RAB30: variants seen among roughly 807,000 people sequenced by gnomAD.
The protein encoded by RAB30 is RAB30, member RAS oncogene family.
In RAB30, 9 loss-of-function variants were observed where a neutral mutation model predicts 25.1. That is an observed-to-expected ratio of 0.36 (90% CI 0.22 to 0.63). The LOEUF is 0.63. Ranked by LOEUF, RAB30 falls within the 20% of genes least tolerant of loss-of-function variation. The probability of loss-of-function intolerance (pLI) is 0.69; values close to 1 mark genes in which losing one functional copy is unlikely to be tolerated. For synonymous variants in RAB30, 77 were observed against 86.4 expected, an observed-to-expected ratio of 0.89 and a Z score of 0.60; for missense variants, 140 against 243.5, an observed-to-expected ratio of 0.58 and a Z score of 2.83.
At chr11:83,019,985 C>T (rs1386361745) in intron 1 of RAB30, among the ~76,000 whole-genome samples, 2 of 152,256 alleles carry the variant, frequency 1.3e-5, no homozygotes, top group African/African-American at 4.8e-5. Context: ...ATGCTGGCTA[C>T]AGCTGGAAGG....
intron 1 of RAB30, chr11:83,071,432 C>G (rs1210784054): frequency 2.0e-5 from 3 of 152,286 alleles, no homozygotes; most frequent in Non-Finnish European, 4.4e-5. Flanking sequence ...GCCCAGCCCC[C>G]TCTCTCCGCC....
At chr11:83,014,603 C>CAG (rs60032268) in intron 1 of RAB30, among the ~76,000 whole-genome samples, 7 of 134,760 alleles carry the variant, frequency 5.2e-5, no homozygotes, top group Non-Finnish European at 8.0e-5. Flanking sequence ...GAGGCAGAGG[C>CAG]AGAGAGAGAC....
rs75999021 is a variant in RAB30 at position 83,019,335 on chromosome 11, T to C, written c.-8-22011A>G. Among the ~76,000 whole-genome samples the C allele has an allele frequency of 9.9e-3, 1,506 of 152,306 alleles. 18 individuals carry two copies. Among genetic ancestry groups the C allele is most frequent in the African/African-American group, 0.026 (1,091 of 41,580 alleles). On this transcript the variant is annotated intron_variant, in intron 1 of 4. Coordinates refer to ENST00000527633, the MANE Select transcript of RAB30 (RefSeq NM_001286060.2). ...GCCACCACACCAGGCCAAAAGGTTT[T>C]TTTTAAAAAATAACAACTATGTATT...
chr11:83,039,434 A>G (rs1245832188), intron 1 of RAB30, among the ~76,000 whole-genome samples: 2 of 152,272 alleles, frequency 1.3e-5, no homozygotes, highest in South Asian at 4.1e-4. Flanking sequence ...GTCCCAGCAC[A>G]TTGGGATGCC....
At chr11:83,014,822 A>G (rs1258212773) in intron 1 of RAB30, among the ~76,000 whole-genome samples, 1 of 151,320 alleles carries the variant, frequency 6.6e-6, no homozygotes, top group Non-Finnish European at 1.5e-5. Context: ...GGAAGGAAGG[A>G]AGAGAGAAGG....
chr11:83,024,930 T>C (rs139015834), intron 1 of RAB30, among the ~76,000 whole-genome samples: 1 of 152,322 alleles, frequency 6.6e-6, no homozygotes, highest in East Asian at 1.9e-4. Context: ...GAGAGAGTTA[T>C]AGCATCTTTC....
At chr11:83,043,455 A>C (rs1314116456) in intron 1 of RAB30, among the ~76,000 whole-genome samples, 1 of 152,190 alleles carries the variant, frequency 6.6e-6, no homozygotes. Flanking sequence ...AAGTTTTGAC[A>C]TGATTTGTTT....
chr11:83,047,575 G>A (rs1858259667), intron 1 of RAB30, among the ~76,000 whole-genome samples: 1 of 152,170 alleles, frequency 6.6e-6, no homozygotes, highest in African/African-American at 2.4e-5. Flanking sequence ...TTGAGTATAT[G>A]ATCCTATTAA....
At chr11:83,030,891 ATGTGAC>A (rs1190698970) in intron 1 of RAB30, among the ~76,000 whole-genome samples, 1 of 152,234 alleles carries the variant, frequency 6.6e-6, no homozygotes, top group Non-Finnish European at 1.5e-5. Context: ...GTACCTTAGA[ATGTGAC>A]TGTTCATGTA....
intron 1 of RAB30, among the ~76,000 whole-genome samples, chr11:83,043,678 CAT>C (rs200814792): frequency 0.02 from 3,030 of 152,286 alleles, 36 homozygotes; most frequent in Non-Finnish European, 0.03. Flanking sequence ...AGATAAATCA[CAT>C]GTGGCAAAAT....
chr11:83,051,651 C>CT (rs1341924898), intron 1 of RAB30, among the ~76,000 whole-genome samples: 1 of 151,834 alleles, frequency 6.6e-6, no homozygotes, highest in Non-Finnish European at 1.5e-5. Context: ...TTTCCAAGGG[C>CT]TTCTAGCTTT....
intron 1 of RAB30, among the ~76,000 whole-genome samples, chr11:83,020,808 C>A (rs183754425): frequency 6.6e-6 from 1 of 152,054 alleles, no homozygotes; most frequent in African/African-American, 2.4e-5. Context: ...CTGAGAGCTG[C>A]AGACAATGGG....
At chr11:83,030,409 G>T (rs1391328950) in intron 1 of RAB30, among the ~76,000 whole-genome samples, 1 of 151,828 alleles carries the variant, frequency 6.6e-6, no homozygotes, top group African/African-American at 2.4e-5. Flanking sequence ...GAGGTGGGAG[G>T]ACTGCTTGAT....
At chr11:82,988,921 G>A (rs1292741840) in intron 3 of RAB30, among the ~76,000 whole-genome samples, 2 of 108,804 alleles carry the variant, frequency 1.8e-5, no homozygotes, top group Non-Finnish European at 3.4e-5. Flanking sequence ...TCTCTCTTGC[G>A]ATACATCCTG....
chr11:82,998,199 GAC>G (rs1856999620), intron 1 of RAB30, among the ~76,000 whole-genome samples: 1 of 152,044 alleles, frequency 6.6e-6, no homozygotes, highest in African/African-American at 2.4e-5. Context: ...TAGCCCCTGG[GAC>G]AGAGTTACTC....
intron 1 of RAB30, among the ~76,000 whole-genome samples, chr11:83,020,887 G>A (rs1455313964): frequency 1.3e-5 from 2 of 152,068 alleles, no homozygotes; most frequent in Non-Finnish European, 2.9e-5. Flanking sequence ...CAGACAATGG[G>A]ATGACCTGCC....
At chr11:83,011,120 A>C (rs1857293472) in intron 1 of RAB30, among the ~76,000 whole-genome samples, 1 of 152,230 alleles carries the variant, frequency 6.6e-6, no homozygotes, top group African/African-American at 2.4e-5. Flanking sequence ...TTTTTTAAAA[A>C]ACAAGTTGTT....
intron 1 of RAB30, among the ~76,000 whole-genome samples, chr11:83,047,041 C>T (rs775086938): frequency 1.3e-5 from 2 of 152,102 alleles, no homozygotes; most frequent in Admixed American, 6.5e-5. Flanking sequence ...GAAACAATAC[C>T]AAAGGCACAA....
intron 1 of RAB30, among the ~76,000 whole-genome samples, chr11:82,998,145 C>T (rs1289446428): frequency 1.3e-5 from 2 of 152,184 alleles, no homozygotes. Context: ...CAAATATCTG[C>T]CTCATCCTTA....
Sources: gnomAD v4.1 joint callset for allele counts (sites outside exome capture counted in the v4.1 genomes callset) on GRCh38, gnomAD v4.1.1 for gene constraint, MANE v1.5 for transcripts, NCBI Gene and HGNC (gene_info 2026-07-23, HGNC 2026-07-21) for gene names.